Variants in EML1 observed in about 807,000 individuals in gnomAD.
EML1 encodes EMAP like 1.
EML1 carries 27 observed loss-of-function variants against 110.4 expected under a neutral mutation model. The ratio of observed to expected loss-of-function variants is 0.24; its 90% CI spans 0.18 to 0.34. The LOEUF (loss-of-function observed/expected upper bound fraction) is 0.34, where lower values mean the gene tolerates loss of function less well. Ranked by LOEUF, EML1 falls within the 10% of genes least tolerant of loss-of-function variation. The pLI is 1.00. For synonymous variants in EML1, 344 were observed against 385.8 expected (o/e 0.89, Z 1.27); for missense variants, 741 against 1,030.9 (o/e 0.72, Z 3.85).
intron 17 of EML1, among the ~76,000 whole-genome samples, chr14:99,925,331 G>T (rs2060214757): frequency 6.7e-6 from 1 of 150,308 alleles, no homozygotes. Context: ...CACAAACACG[G>T]CACACTGCAG....
chr14:99,815,305 CT>C (rs1297372796), intron 1 of EML1, among the ~76,000 whole-genome samples: 1 of 151,986 alleles, frequency 6.6e-6, no homozygotes, highest in Non-Finnish European at 1.5e-5. Context: ...CCACTCCCGG[CT>C]AATTTTTTGT....
At chr14:99,927,819 G>GTGGTGGTGGTGGTATTGGTGGTGGTGA (rs2060266955) in intron 17 of EML1, among the ~76,000 whole-genome samples, 1 of 61,648 alleles carries the variant, frequency 1.6e-5, no homozygotes, top group Admixed American at 1.7e-4. Flanking sequence ...TGGGGGGGTG[G>GTGGTGGTGGTGGTATTGGTGGTGGTGA]TGGTGGTGGT....
intron 10 of EML1, among the ~76,000 whole-genome samples, chr14:99,908,111 G>T (rs1212662732): frequency 1.3e-5 from 2 of 152,236 alleles, no homozygotes; most frequent in South Asian, 4.1e-4. Context: ...TGGGCTTGCT[G>T]CCTGAGCCCC....
chr14:99,886,223 T>G (rs996553844), intron 4 of EML1: 2 of 203,834 alleles, frequency 9.8e-6, no homozygotes, highest in African/African-American at 4.7e-5. Context: ...GGCTCACACC[T>G]GGAATCCCAG....
chr14:99,739,521 G>T (rs2057017461), intron 1 of EML1, among the ~76,000 whole-genome samples: 1 of 152,200 alleles, frequency 6.6e-6, no homozygotes, highest in Non-Finnish European at 1.5e-5. Context: ...TCTAGGAGAG[G>T]GTCAGCCCAG....
In EML1 at chr14:99,855,352, A is replaced by G. The variant is rs141431147; in HGVS notation, c.250+4317A>G. ...AATAAGCAGAAGAAATTTGTGTTCT[A>G]AAAAATCACTTCTTTCTTTGCATTG... On this transcript the variant is annotated intron_variant, in intron 2 of 21. Transcript: ENST00000262233. Among the ~76,000 whole-genome samples, 184 of 151,928 alleles carry G rather than the reference A, an allele frequency of 1.2e-3. 1 individual carries two copies. Among genetic ancestry groups the G allele is most frequent in the African/African-American group, 4.1e-3 (168 of 41,186 alleles).
chr14:99,896,592 T>G (rs2140004109), intron 6 of EML1, among the ~76,000 whole-genome samples: 1 of 152,378 alleles, frequency 6.6e-6, no homozygotes. Context: ...GGCATTTTTT[T>G]GGCCATTATT....
At chr14:99,767,411 G>T (rs754058568) in intron 1 of EML1, among the ~76,000 whole-genome samples, 2 of 152,212 alleles carry the variant, frequency 1.3e-5, no homozygotes, top group African/African-American at 2.4e-5. Flanking sequence ...CGACCATCCT[G>T]GCCAACATGG....
intron 4 of EML1, among the ~76,000 whole-genome samples, chr14:99,887,983 G>C (rs563487740): frequency 1.3e-5 from 2 of 152,192 alleles, no homozygotes; most frequent in African/African-American, 4.8e-5. Context: ...TAGAAAAGGT[G>C]GTGGTGCATT....
At chr14:99,766,054 C>A (rs543458082) in intron 1 of EML1, among the ~76,000 whole-genome samples, 1 of 152,146 alleles carries the variant, frequency 6.6e-6, no homozygotes, top group Admixed American at 6.5e-5. Context: ...AACACTTAGG[C>A]TGTTTCCACC....
intron 2 of EML1, among the ~76,000 whole-genome samples, chr14:99,855,048 G>C (rs2058879388): frequency 6.6e-6 from 1 of 152,136 alleles, no homozygotes; most frequent in Non-Finnish European, 1.5e-5. Flanking sequence ...GCCAGGAGAT[G>C]ATGGTGCCTC....
intron 4 of EML1, among the ~76,000 whole-genome samples, chr14:99,890,946 T>TAA (rs944662194): frequency 1.3e-5 from 2 of 152,124 alleles, no homozygotes; most frequent in African/African-American, 2.4e-5. Context: ...CCGAAACACT[T>TAA]ACTTGCAGTC....
intron 1 of EML1, among the ~76,000 whole-genome samples, chr14:99,786,024 G>T (rs940357508): frequency 2.2e-5 from 3 of 139,384 alleles, no homozygotes; most frequent in South Asian, 2.4e-4. Context: ...GTTCACGGAA[G>T]TTCAACATGG....
intron 9 of EML1, among the ~76,000 whole-genome samples, chr14:99,901,756 C>A (rs1392178669): frequency 6.6e-6 from 1 of 152,134 alleles, no homozygotes; most frequent in East Asian, 1.9e-4. Context: ...TAGCCGGCTT[C>A]TTTACTGCAA....
chr14:99,769,519 A>C (rs1044753374), upstream of EML1, among the ~76,000 whole-genome samples: 3 of 152,188 alleles, frequency 2.0e-5, no homozygotes, highest in African/African-American at 7.2e-5. Context: ...CATTCTCCCC[A>C]GGGCCATGCA....
intron 9 of EML1, among the ~76,000 whole-genome samples, chr14:99,904,737 C>G (rs543210760): frequency 6.6e-6 from 1 of 152,156 alleles, no homozygotes; most frequent in African/African-American, 2.4e-5. Flanking sequence ...AGGTCAAGCT[C>G]CCAAGCACAC....
chr14:99,847,256 G>C (rs140671950), intron 1 of EML1, among the ~76,000 whole-genome samples: 2 of 152,232 alleles, frequency 1.3e-5, no homozygotes, highest in Admixed American at 6.5e-5. Context: ...AAAATGTACC[G>C]TATGCACTGC....
chr14:99,905,872 A>G lies in EML1; in HGVS notation c.1009-1766A>G, dbSNP rs1321541184. On this transcript the variant is annotated intron_variant, in intron 9 of 21. Transcript: ENST00000262233. This position sits in a 1 kb window ranked among gnomAD's most constrained non-coding sequence, Gnocchi z 4.1. Reference sequence around the variant, plus strand: ...AGGGGCCTTTAACCCACTCTGTCTTAGGAGAGACTCCTAAGTTAGGCCTCT... The same window carrying G: ...AGGGGCCTTTAACCCACTCTGTCTTGGGAGAGACTCCTAAGTTAGGCCTCT... 6.6e-6 allele frequency among the ~76,000 whole-genome samples: 1 copy of G among 152,072 alleles called. No individual in the cohort carries two copies. Among genetic ancestry groups the G allele is most frequent in the African/African-American group, 2.4e-5 (1 of 41,412 alleles).
In EML1 at chr14:99,905,040, C is replaced by CAG. The variant is rs139741908; in HGVS notation, c.1009-2582_1009-2581dup. 0.022 allele frequency among the ~76,000 whole-genome samples: 3,245 copies of CAG among 149,884 alleles called. 102 individuals are homozygous for CAG. The highest frequency in any genetic ancestry group is 0.071 in the African/African-American group (2,928 of 41,174). On this transcript the variant is annotated intron_variant, in intron 9 of 21. Transcript: ENST00000262233. This position sits in a 1 kb window ranked among gnomAD's most constrained non-coding sequence, Gnocchi z 4.1. ...TTTTACCATTCATTCAGCCAGTTTG[C>CAG]AGAGAGAGAGAGAGAGAAAGGCCAG...
Sources: gnomAD v4.1 joint callset for allele counts (sites outside exome capture counted in the v4.1 genomes callset) on GRCh38, gnomAD v4.1.1 for gene constraint, Gnocchi (gnomAD v3.1) non-coding constraint, MANE v1.5 for transcripts, NCBI Gene and HGNC (gene_info 2026-07-23, HGNC 2026-07-21) for gene names.